OTUD7A: variants seen among roughly 807,000 people sequenced by gnomAD.
OTUD7A encodes the protein OTU domain-containing protein 7A.
In OTUD7A, 12 loss-of-function variants were observed where a neutral mutation model predicts 65.7. The ratio of observed to expected loss-of-function variants is 0.18; its 90% CI spans 0.12 to 0.30. The LOEUF (loss-of-function observed/expected upper bound fraction) is 0.30, where lower values mean the gene tolerates loss of function less well. Ranked by LOEUF, OTUD7A falls within the 10% of genes least tolerant of loss-of-function variation. OTUD7A has a pLI of 1.00. For missense variants in OTUD7A, 1,148 were observed against 1,304.8 expected (o/e 0.88, Z 1.85); for synonymous variants, 641 against 586.3 (o/e 1.09, Z -1.35).
At chr15:31,575,377 A>C (rs1889173820) in intron 3 of OTUD7A, among the ~76,000 whole-genome samples, 2 of 152,216 alleles carry the variant, frequency 1.3e-5, no homozygotes, top group Admixed American at 6.5e-5. Flanking sequence ...AAGATATAAG[A>C]GGTATGAATA....
At chr15:31,735,487 T>C (rs141171858) in intron 1 of OTUD7A, among the ~76,000 whole-genome samples, 42 of 151,764 alleles carry the variant, frequency 2.8e-4, no homozygotes, top group African/African-American at 8.0e-4. Context: ...AAGATTGAGA[T>C]TGCGCCACTG....
At chr15:31,865,616 A>T (rs72711414) in intron 1 of OTUD7A, among the ~76,000 whole-genome samples, 7,537 of 152,300 alleles carry the variant, frequency 0.049, 255 homozygotes, top group Non-Finnish European at 0.07. Context: ...CCCTGGGGGC[A>T]TGAAAACTGG....
rs147675886 is a variant in OTUD7A, at chr15:31,531,335, C to T, written c.551-527G>A. On this transcript the variant is annotated intron_variant, in intron 5 of 12. Coordinates refer to ENST00000307050, the MANE Select transcript of OTUD7A (RefSeq NM_001382637.1). The stretch of plus-strand genomic sequence containing the variant: ...TTCCTATTTCTCTTACTAAGTACAA[C>T]GAAAAGCCCTGGAAATTATGTATAA... Among the ~76,000 whole-genome samples, 570 of 151,800 alleles carry T rather than the reference C, an allele frequency of 3.8e-3. 2 individuals are homozygous for T. The highest frequency in any genetic ancestry group is 0.012 in the African/African-American group (492 of 41,420).
chr15:31,615,021 A>C (rs145375430), intron 3 of OTUD7A, among the ~76,000 whole-genome samples: 1 of 152,330 alleles, frequency 6.6e-6, no homozygotes, highest in Non-Finnish European at 1.5e-5. Context: ...GGAAGAAGCT[A>C]ATAGAATAGA....
chr15:31,566,551 T>G (rs1026113429), intron 4 of OTUD7A, among the ~76,000 whole-genome samples: 2 of 151,994 alleles, frequency 1.3e-5, no homozygotes, highest in African/African-American at 4.8e-5. Context: ...CTCTTCAGAG[T>G]AGAAAAACAA....
intron 1 of OTUD7A, among the ~76,000 whole-genome samples, chr15:31,807,964 T>C (rs372286121): frequency 9.2e-5 from 14 of 152,216 alleles, no homozygotes; most frequent in African/African-American, 3.4e-4. Flanking sequence ...CTGCTGCTGA[T>C]AGGTGCCAGT....
chr15:31,520,182 G>A (rs914872085), intron 8 of OTUD7A, among the ~76,000 whole-genome samples: 3 of 147,698 alleles, frequency 2.0e-5, no homozygotes, highest in Non-Finnish European at 4.5e-5. Context: ...TCTAGCCAAC[G>A]GAATCCTAAG....
chr15:31,534,536 G>A (rs1887732411), intron 5 of OTUD7A, among the ~76,000 whole-genome samples: 2 of 152,186 alleles, frequency 1.3e-5, no homozygotes, highest in African/African-American at 2.4e-5. Context: ...AACATAGTAT[G>A]AGAAGTCCTA....
intron 1 of OTUD7A, among the ~76,000 whole-genome samples, chr15:31,846,682 T>C (rs1897300470): frequency 1.3e-5 from 2 of 152,244 alleles, no homozygotes; most frequent in South Asian, 2.1e-4. Context: ...CAGTGTCACA[T>C]GGCCACTGAA....
intron 1 of OTUD7A, among the ~76,000 whole-genome samples, chr15:31,842,925 G>A (rs1350164513): frequency 2.0e-5 from 3 of 152,040 alleles, no homozygotes; most frequent in Admixed American, 6.6e-5. Flanking sequence ...TAATGCTCTC[G>A]GTTCCAGGAA....
chr15:31,869,156 T>C (rs1048810410), intron 1 of OTUD7A, among the ~76,000 whole-genome samples: 4 of 152,210 alleles, frequency 2.6e-5, no homozygotes, highest in African/African-American at 9.6e-5. Flanking sequence ...CACAATAAAA[T>C]AATGGAGTGT....
chr15:31,597,942 A>G (rs7171081), intron 3 of OTUD7A, among the ~76,000 whole-genome samples: 48,751 of 152,050 alleles, frequency 0.32, 10,065 homozygotes, highest in African/African-American at 0.59. Flanking sequence ...GAGTAAAAGC[A>G]GTGGGAACTT....
At chr15:31,668,373 T>C (rs1329855291) in intron 1 of OTUD7A, among the ~76,000 whole-genome samples, 1 of 152,214 alleles carries the variant, frequency 6.6e-6, no homozygotes, top group African/African-American at 2.4e-5. Flanking sequence ...CTTTGTTGGA[T>C]TGGATTAATT....
chr15:31,549,963 G>T (rs931443696), intron 5 of OTUD7A, among the ~76,000 whole-genome samples: 9 of 152,028 alleles, frequency 5.9e-5, no homozygotes, highest in Non-Finnish European at 1.3e-4. Flanking sequence ...AGCTGGGTTT[G>T]GTGGTGGGCA....
intron 1 of OTUD7A, among the ~76,000 whole-genome samples, chr15:31,818,391 GA>G (rs1180911866): frequency 6.6e-6 from 1 of 152,092 alleles, no homozygotes; most frequent in Non-Finnish European, 1.5e-5. Context: ...TTTATAGGGA[GA>G]AAAAAATAGA....
At position 31,864,229 on chromosome 15, in the gene OTUD7A, C is replaced by T. The variant is rs1595823753; in HGVS notation, c.-100+6278G>A. The stretch of plus-strand genomic sequence containing the variant: ...ATTTTCCTGTCTTATTCTGAGCCCT[C>T]CAAACCGTTCCAACCTCTGCCTGTT... On this transcript the variant is annotated intron_variant, in intron 1 of 12. Coordinates refer to ENST00000307050, the MANE Select transcript of OTUD7A (RefSeq NM_001382637.1). Among the ~76,000 whole-genome samples the T allele has an allele frequency of 4.6e-5, 7 of 152,342 alleles. 1 individual carries two copies. In the South Asian group the frequency reaches 1.5e-3, roughly 32 times the overall value.
chr15:31,521,296 C>G (rs1272585941), intron 8 of OTUD7A, among the ~76,000 whole-genome samples: 1 of 152,144 alleles, frequency 6.6e-6, no homozygotes. Flanking sequence ...ATAAAAAACT[C>G]TCAGTAGAGT....
intron 10 of OTUD7A, among the ~76,000 whole-genome samples, chr15:31,489,861 A>G (rs2041292446): frequency 6.6e-6 from 1 of 152,226 alleles, no homozygotes; most frequent in Non-Finnish European, 1.5e-5. Context: ...GCTCCAGTGC[A>G]CGGTGGGAAT....
intron 1 of OTUD7A, among the ~76,000 whole-genome samples, chr15:31,844,123 CT>C (rs1255918080): frequency 3.3e-5 from 5 of 152,208 alleles, no homozygotes; most frequent in Non-Finnish European, 7.3e-5. Context: ...TTTAAAGACA[CT>C]TTCCACCTTT....
Sources: allele counts gnomAD v4.1 joint callset (sites outside exome capture counted in the v4.1 genomes callset), GRCh38; gene constraint gnomAD v4.1.1; transcripts MANE v1.5; gene names NCBI Gene and HGNC (gene_info 2026-07-23, HGNC 2026-07-21).